ICMT: variants seen among roughly 807,000 people sequenced by gnomAD.
ICMT encodes isoprenylcysteine carboxyl methyltransferase.
Under a neutral mutation model 32.2 loss-of-function variants are expected in ICMT, and 10 were observed. The observed-to-expected ratio is 0.31, with a 90% CI of 0.19 to 0.53. The LOEUF is 0.53. Ranked by LOEUF, ICMT falls within the 20% of genes least tolerant of loss-of-function variation. The pLI, the probability that ICMT is intolerant of heterozygous loss-of-function variation, is 0.96. For missense variants in ICMT, 265 were observed against 356.9 expected, an observed-to-expected ratio of 0.74 and a Z score of 2.07; for synonymous variants, 183 against 158.2, an observed-to-expected ratio of 1.16 and a Z score of -1.18.
chr1:6,224,905 A>G lies in ICMT; in HGVS notation c.*175T>C. 1 of 658,950 alleles carries G rather than the reference A, an allele frequency of 1.5e-6. No homozygotes were observed. The highest frequency in any genetic ancestry group is 2.7e-6 in the Non-Finnish European group (1 of 375,028). The allele number at this position is 658,950 out of a possible 1,614,324, so 40.8% of individuals were successfully genotyped here. On this transcript the variant is annotated 3_prime_UTR_variant, in exon 5 of 5. Transcript: ENST00000343813. ...ATTCGGCATAAGGACAGACTGCTCC[A>G]GTGGGGCCTTGGGTCCTCAGGCCTT...
chr1:6,233,053 A>G (rs2100968494), intron 3 of ICMT, among the ~76,000 whole-genome samples: 1 of 150,930 alleles, frequency 6.6e-6, no homozygotes, highest in African/African-American at 2.4e-5. Flanking sequence ...ACGGGGTTTC[A>G]CCATATTGGC....
intron 4 of ICMT, among the ~76,000 whole-genome samples, chr1:6,228,679 C>A (rs2100963357): frequency 6.6e-6 from 1 of 152,174 alleles, no homozygotes; most frequent in Non-Finnish European, 1.5e-5. Context: ...TCAAGCAATC[C>A]TCCTGCTCTG....
chr1:6,235,679 CGCCCCGCCG>C (rs911503383), intron 1 of ICMT, 29 bp downstream of exon 1: 7 of 1,144,010 alleles, frequency 6.1e-6, no homozygotes, highest in Admixed American at 9.7e-5. Context: ...GACCGCCGCC[CGCCCCGCCG>C]GCCCCCGCCG....
At chr1:6,233,328 C>T in intron 3 of ICMT, 146 bp downstream of exon 3, 1 of 713,050 alleles carries the variant, frequency 1.4e-6, no homozygotes, top group Non-Finnish European at 2.3e-6. Context: ...CGGAGCTCAT[C>T]CTTTATAAAT....
intron 4 of ICMT, 139 bp downstream of exon 4, chr1:6,231,763 G>A (rs947488022): frequency 2.1e-5 from 12 of 577,320 alleles, no homozygotes; most frequent in Non-Finnish European, 3.6e-5. Flanking sequence ...ATTTAAAGGA[G>A]ACCAACAACC....
intron 2 of ICMT, among the ~76,000 whole-genome samples, 157 bp downstream of exon 2, chr1:6,234,729 G>C (rs965804502): frequency 1.3e-5 from 2 of 152,134 alleles, no homozygotes; most frequent in Non-Finnish European, 2.9e-5. Flanking sequence ...GGGCTGAAAT[G>C]TGAGCAACTA....
chr1:6,224,838 G>A lies in ICMT; in HGVS notation c.*242C>T. 2.1e-6 allele frequency: 1 copy of A among 477,644 alleles called. No individual in the cohort carries two copies. Among genetic ancestry groups the A allele is most frequent in the Non-Finnish European group, 3.7e-6 (1 of 269,756 alleles). 29.6% of individuals were successfully genotyped at this position (477,644 alleles called of 1,614,324 possible). On this transcript the variant is annotated 3_prime_UTR_variant, in exon 5 of 5. Transcript: ENST00000343813. ...CTGGAGGGCGCTGTGGAATATTGCT[G>A]TGATTTGCCCCTTACTCGTCTTTCA...
chr1:6,234,995 G>A (rs747543998), intron 1 of ICMT, 21 bp from the exon 2 acceptor site: 12 of 1,600,298 alleles, frequency 7.5e-6, no homozygotes, highest in Non-Finnish European at 1.0e-5. Flanking sequence ...CCCAAGAGAA[G>A]CTCAGTCATT....
chr1:6,224,980 A>C lies in ICMT; in HGVS notation c.*100T>G. 1 of 1,090,906 alleles carries C rather than the reference A, an allele frequency of 9.2e-7. No individual in the cohort carries two copies. The highest frequency in any genetic ancestry group is 1.3e-6 in the Non-Finnish European group (1 of 748,948). The allele number at this position is 1,090,906 out of a possible 1,614,324, so 67.6% of individuals were successfully genotyped here. On this transcript the variant is annotated 3_prime_UTR_variant, in exon 5 of 5. Coordinates refer to ENST00000343813, the MANE Select transcript of ICMT (RefSeq NM_012405.4). ...TTCCAGAAGAGTGACTAATGACATAAAACGATTAAGAAAATCCATGTGGCA... is the reference window on the plus strand; with the variant it reads ...TTCCAGAAGAGTGACTAATGACATACAACGATTAAGAAAATCCATGTGGCA...
rs1345988179 is a variant in ICMT, at chr1:6,224,691, CT to C, written c.*388del. 5.7e-6 allele frequency: 1 copy of C among 175,320 alleles called. No homozygotes were observed. The highest frequency in any genetic ancestry group is 1.2e-5 in the Non-Finnish European group (1 of 84,194). 10.9% of individuals were successfully genotyped at this position (175,320 alleles called of 1,614,324 possible). ...TGATAAGAAGGGGTACCTGCTACCC[CT>C]TTCTGCTGTGGAGTGTTGCTGAGGA... is the stretch of plus-strand genomic sequence containing the variant. On this transcript the variant is annotated 3_prime_UTR_variant, in exon 5 of 5. Coordinates refer to ENST00000343813, the MANE Select transcript of ICMT (RefSeq NM_012405.4).
intron 3 of ICMT, among the ~76,000 whole-genome samples, chr1:6,232,695 T>C (rs547029886): frequency 3.3e-5 from 5 of 152,114 alleles, no homozygotes; most frequent in African/African-American, 9.6e-5. Context: ...ATTACAGGCA[T>C]GCACTACCAG....
At chr1:6,235,057 C>G in intron 1 of ICMT, 83 bp from the exon 2 acceptor site, 1 of 1,105,216 alleles carries the variant, frequency 9.0e-7, no homozygotes, top group Non-Finnish European at 1.4e-6. Flanking sequence ...GAATAGGCAA[C>G]CCACAGGCAA....
intron 1 of ICMT, 62 bp from the exon 2 acceptor site, chr1:6,235,036 T>C: frequency 7.1e-7 from 1 of 1,405,010 alleles, no homozygotes; most frequent in Non-Finnish European, 1.0e-6. Flanking sequence ...TCTGGGCTGC[T>C]GACCTTCCCG....
rs1392347784 is a variant in ICMT, at chr1:6,222,122, C to T, written c.*2958G>A. ...AGTCAATCACTTACCAAATCCTGTCCTTAAGGAGTTCATCTTGGCTGGGCG... is the reference window on the plus strand; with the variant it reads ...AGTCAATCACTTACCAAATCCTGTCTTTAAGGAGTTCATCTTGGCTGGGCG... On this transcript the variant is annotated 3_prime_UTR_variant, in exon 5 of 5. Transcript: ENST00000343813. 6.6e-6 allele frequency: 1 copy of T among 152,220 alleles called. No homozygotes were observed. The highest frequency in any genetic ancestry group is 1.5e-5 in the Non-Finnish European group (1 of 68,044). 9.4% of individuals were successfully genotyped at this position (152,220 alleles called of 1,614,324 possible). A position where few individuals can be genotyped will look rare whatever the true frequency, so the allele number is the denominator to read the frequency against.
rs1416892389 is a variant in ICMT, at chr1:6,235,067, A to G, written c.196-93T>C. On this transcript the variant is annotated intron_variant, in intron 1 of 4. Transcript: ENST00000343813. Reference sequence around the variant, plus strand: ...TCCCGGAATAGGCAACCCACAGGCAAGCAGATAGAGCCGATTTGCTGAGGT... The same window carrying G: ...TCCCGGAATAGGCAACCCACAGGCAGGCAGATAGAGCCGATTTGCTGAGGT... 12 of 940,630 alleles carry G rather than the reference A, an allele frequency of 1.3e-5. No homozygotes were observed. The South Asian group carries it at 1.5e-4, about 12-fold the overall frequency. The allele number at this position is 940,630 out of a possible 1,614,324, so 58.3% of individuals were successfully genotyped here.
In ICMT at chr1:6,232,091, G is replaced by A. The variant is rs1197765642; in HGVS notation, c.483C>T (p.Val161=). The A allele has an allele frequency of 1.2e-6, 2 of 1,614,026 alleles. No individual in the cohort carries two copies. The highest frequency in any genetic ancestry group is 4.5e-5 in the East Asian group (2 of 44,888). The change falls in exon 4 of 5, where the codon GTC becomes GTT. Residue 161 remains valine (V), a synonymous_variant. Coordinates refer to ENST00000343813, the MANE Select transcript of ICMT (RefSeq NM_012405.4). ...PELKQITWLS[V]TGLLMVVFGE... is the part of the protein sequence containing the mutation. ...CGAAGACCACCATCAGCAGCCCTGT[G>A]ACACTGAGCCAGGTAATCTGCTTCA...
intron 1 of ICMT, 39 bp from the exon 2 acceptor site, chr1:6,235,013 C>T: frequency 6.5e-7 from 1 of 1,534,098 alleles, no homozygotes; most frequent in Non-Finnish European, 9.0e-7. Context: ...ATTCACAGTC[C>T]TCAGAGTACA....
At position 6,223,965 on chromosome 1, in the gene ICMT, A is replaced by G. The variant is rs987643778; in HGVS notation, c.*1115T>C. On this transcript the variant is annotated 3_prime_UTR_variant, in exon 5 of 5. Transcript: ENST00000343813. Reference sequence around the variant, plus strand: ...CAACTTACTCTCCCAAACTTGCAAAACAAACATACTGACTGAATCTTAGTT... The same window carrying G: ...CAACTTACTCTCCCAAACTTGCAAAGCAAACATACTGACTGAATCTTAGTT... 2.6e-5 allele frequency: 4 copies of G among 152,240 alleles called. No individual in the cohort carries two copies. The East Asian group carries it at 7.7e-4, about 29-fold the overall frequency. The allele number at this position is 152,240 out of a possible 1,614,324, so 9.4% of individuals were successfully genotyped here. A position where few individuals can be genotyped will look rare whatever the true frequency, so the allele number is the denominator to read the frequency against.
At chr1:6,226,123 G>T (rs746257993) in intron 4 of ICMT, among the ~76,000 whole-genome samples, 1 of 152,128 alleles carries the variant, frequency 6.6e-6, no homozygotes, top group Non-Finnish European at 1.5e-5. Context: ...GGCCAGGTAC[G>T]GTGGCTCATG....
Sources: gnomAD v4.1 joint callset for allele counts (sites outside exome capture counted in the v4.1 genomes callset) on GRCh38, gnomAD v4.1.1 for gene constraint, MANE v1.5 for transcripts, NCBI Gene and HGNC (gene_info 2026-07-23, HGNC 2026-07-21) for gene names.